Variants in PCDH15 observed in about 807,000 individuals in gnomAD.
The protein encoded by PCDH15 is protocadherin-15.
A neutral mutation model predicts 178.5 loss-of-function variants in PCDH15; 129 were observed. The ratio of observed to expected loss-of-function variants is 0.72; its 90% CI spans 0.63 to 0.84. PCDH15 has a LOEUF of 0.84. Ranked by LOEUF, PCDH15 falls within the 40% of genes least tolerant of loss-of-function variation. PCDH15 has a pLI of 0.00. For synonymous variants in PCDH15, 800 were observed against 732.0 expected, an observed-to-expected ratio of 1.09 and a Z score of -1.50; for missense variants, 2,230 against 2,099.9, an observed-to-expected ratio of 1.06 and a Z score of -1.21.
chr10:55,545,369 G>A (rs960527653), intron 2 of PCDH15, among the ~76,000 whole-genome samples: 1 of 151,404 alleles, frequency 6.6e-6, no homozygotes, highest in African/African-American at 2.4e-5. Flanking sequence ...TCCGCCTCCC[G>A]GGTACAAGTG....
chr10:55,412,268 T>C (rs187995276), intron 2 of PCDH15, among the ~76,000 whole-genome samples: 5 of 152,156 alleles, frequency 3.3e-5, no homozygotes, highest in Non-Finnish European at 4.4e-5. Flanking sequence ...ATACAATTAA[T>C]AATTTTTTAG....
intron 26 of PCDH15, among the ~76,000 whole-genome samples, chr10:53,900,796 C>T (rs939962184): frequency 1.3e-5 from 2 of 152,140 alleles, no homozygotes; most frequent in Non-Finnish European, 2.9e-5. Context: ...CACTCTGTCC[C>T]AATTCCTCTG....
At chr10:54,664,330 C>A in intron 1 of PCDH15, 40 bp from the exon 2 acceptor site, 3 of 1,269,000 alleles carry the variant, frequency 2.4e-6, no homozygotes, top group East Asian at 5.0e-5. Context: ...TTGACATGTT[C>A]ATTAATCTGT....
chr10:54,057,939 C>T (rs1164533227), intron 18 of PCDH15, among the ~76,000 whole-genome samples: 1 of 152,162 alleles, frequency 6.6e-6, no homozygotes, highest in African/African-American at 2.4e-5. Flanking sequence ...GCAAGAGTGA[C>T]CTTAACTCCA....
At chr10:55,002,423 AT>A (rs1425342031) in intron 2 of PCDH15, among the ~76,000 whole-genome samples, 2 of 152,170 alleles carry the variant, frequency 1.3e-5, no homozygotes, top group African/African-American at 4.8e-5. Context: ...AACCTATCAC[AT>A]TTTTTAATGC....
Position 54,708,903 on chromosome 10 carries a change from A to T in PCDH15, c.-28-44613T>A, listed in dbSNP as rs771158084. ...GCAATAATAGCTCTAATGATCTCTG[A>T]AAAAAAGGAAACAAAATATCAGAAG... On this transcript the variant is annotated intron_variant, in intron 1 of 37. Coordinates refer to ENST00000644397, the MANE Select transcript of PCDH15 (RefSeq NM_001384140.1). Among the ~76,000 whole-genome samples the T allele has an allele frequency of 3.8e-4, 58 of 152,112 alleles. 1 individual carries two copies. Among genetic ancestry groups the T allele is most frequent in the Admixed American group, 3.3e-4 (5 of 15,256 alleles).
chr10:54,608,007 G>A (rs1291022501), intron 2 of PCDH15: 1 of 470,722 alleles, frequency 2.1e-6, no homozygotes. Context: ...GTTATTGTGA[G>A]AAGACTTGCA....
rs922698125 is a variant in PCDH15 at position 54,600,493 on chromosome 10, G to A, written c.91+63679C>T. On this transcript the variant is annotated intron_variant, in intron 2 of 37. Coordinates refer to ENST00000644397, the MANE Select transcript of PCDH15 (RefSeq NM_001384140.1). ...TGATAAAAATGAAGATAAAGTGGTG[G>A]TGACCAAAATAGTAGAAAAAATCAC... 6.9e-6 allele frequency: 4 copies of A among 576,732 alleles called. No homozygotes were observed. In the African/African-American group the frequency reaches 7.5e-5, roughly 11 times the overall value. 35.7% of individuals were successfully genotyped at this position (576,732 alleles called of 1,614,324 possible).
chr10:54,442,424 A>T (rs1273838251), intron 3 of PCDH15, among the ~76,000 whole-genome samples: 5 of 76,518 alleles, frequency 6.5e-5, no homozygotes, highest in African/African-American at 3.1e-4. Flanking sequence ...CTATATATAT[A>T]TATATATATA....
intron 1 of PCDH15, among the ~76,000 whole-genome samples, chr10:55,176,651 C>T (rs1001546667): frequency 6.6e-5 from 10 of 152,094 alleles, no homozygotes; most frequent in South Asian, 2.1e-4. Flanking sequence ...GAAATGGAGA[C>T]GTTCCAGGAT....
intron 2 of PCDH15, among the ~76,000 whole-genome samples, chr10:55,444,557 T>G (rs1204290858): frequency 6.6e-6 from 1 of 152,120 alleles, no homozygotes; most frequent in Non-Finnish European, 1.5e-5. Context: ...GTTAATTGAT[T>G]ATTAATTCAA....
intron 10 of PCDH15, among the ~76,000 whole-genome samples, chr10:54,198,505 T>TTTTTTTC (rs2049907845): frequency 5.2e-5 from 1 of 19,232 alleles, no homozygotes; most frequent in Non-Finnish European, 7.7e-5. Context: ...CTTTTTTTTT[T>TTTTTTTC]TTTTTTTTTT....
At chr10:55,415,402 G>C (rs754975199) in intron 2 of PCDH15, among the ~76,000 whole-genome samples, 6 of 151,564 alleles carry the variant, frequency 4.0e-5, no homozygotes, top group Non-Finnish European at 7.4e-5. Flanking sequence ...GCCCAATATA[G>C]TCTATTTTAG....
At chr10:54,090,159 G>C in intron 15 of PCDH15, 96 bp from the exon 16 acceptor site, 1 of 927,914 alleles carries the variant, frequency 1.1e-6, no homozygotes, top group South Asian at 1.3e-5. Flanking sequence ...AGCACAGAAT[G>C]TCCATGACAC....
chr10:55,362,899 C>A (rs11004827), intron 2 of PCDH15, among the ~76,000 whole-genome samples: 227 of 152,242 alleles, frequency 1.5e-3, no homozygotes, highest in Admixed American at 3.7e-3. Context: ...CTGGGCCACA[C>A]TGGAAGAAGA....
chr10:55,052,734 A>T (rs1841198402), intron 2 of PCDH15, among the ~76,000 whole-genome samples: 2 of 151,806 alleles, frequency 1.3e-5, no homozygotes, highest in Admixed American at 1.3e-4. Flanking sequence ...TAATAATAAT[A>T]ATTATAAGCA....
At chr10:54,262,437 C>T (rs11004185) in intron 8 of PCDH15, among the ~76,000 whole-genome samples, 10,335 of 152,190 alleles carry the variant, frequency 0.068, 691 homozygotes, top group African/African-American at 0.16. Context: ...AGGGTGTCCA[C>T]AGCACAACAT....
intron 15 of PCDH15, among the ~76,000 whole-genome samples, chr10:54,111,972 C>CAAAAAAAAAA (rs369333708): frequency 1.0e-4 from 10 of 97,452 alleles, no homozygotes; most frequent in African/African-American, 1.5e-4. Context: ...ACCAAAAATA[C>CAAAAAAAAAA]AAAAAAAAAA....
chr10:54,556,477 A>C (rs945009486), intron 2 of PCDH15, among the ~76,000 whole-genome samples: 1 of 152,188 alleles, frequency 6.6e-6, no homozygotes, highest in African/African-American at 2.4e-5. Context: ...TAGCTCAGAA[A>C]GTATATAATG....
Sources: gnomAD v4.1 joint callset for allele counts (sites outside exome capture counted in the v4.1 genomes callset) on GRCh38, gnomAD v4.1.1 for gene constraint, MANE v1.5 for transcripts, NCBI Gene and HGNC (gene_info 2026-07-23, HGNC 2026-07-21) for gene names.